QSOX2: variants seen among roughly 807,000 people sequenced by gnomAD.
QSOX2 encodes quiescin sulfhydryl oxidase 2, also known as sulfhydryl oxidase 2.
In QSOX2, 46 loss-of-function variants were observed where a neutral mutation model predicts 61.7. The observed-to-expected ratio is 0.75, with a 90% CI of 0.59 to 0.95. The LOEUF (loss-of-function observed/expected upper bound fraction) is 0.95, where lower values mean the gene tolerates loss of function less well. Ranked by LOEUF, QSOX2 falls within the 40% of genes least tolerant of loss-of-function variation. The pLI, the probability that QSOX2 is intolerant of heterozygous loss-of-function variation, is 0.00. For missense variants in QSOX2, 879 were observed against 918.9 expected, an observed-to-expected ratio of 0.96 and a Z score of 0.56; for synonymous variants, 383 against 388.4, an observed-to-expected ratio of 0.99 and a Z score of 0.16.
rs1284445374 is a variant in QSOX2 at position 136,208,448 on chromosome 9, TA to T, written c.*279del. ...CACCCTCTTTTCACATCTAGAAGAG[TA>T]AAAATACAGAAGTCTTTTTGCTGTA... On this transcript the variant is annotated 3_prime_UTR_variant, in exon 12 of 12. Transcript: ENST00000358701. The T allele has an allele frequency of 2.6e-6, 1 of 388,082 alleles. No individual in the cohort carries two copies. Among genetic ancestry groups the T allele is most frequent in the African/African-American group, 2.0e-5 (1 of 48,808 alleles). 24.0% of individuals were successfully genotyped at this position (388,082 alleles called of 1,614,324 possible).
Position 136,215,140 on chromosome 9 carries a change from T to C in QSOX2, c.1360+14A>G. On this transcript the variant is annotated intron_variant, in intron 10 of 11. Transcript: ENST00000358701. ...AGACCATCGGCCCCTCTGGCCTGTA[T>C]GGGCACAGCTTACCTGTGCCAACCA... The C allele has an allele frequency of 6.2e-7, 1 of 1,612,168 alleles. No homozygotes were observed. Among genetic ancestry groups the C allele is most frequent in the Non-Finnish European group, 8.5e-7 (1 of 1,179,314 alleles).
Position 136,215,222 on chromosome 9 carries a change from G to C in QSOX2, c.1292C>G (p.Ser431Cys). 1 of 1,614,104 alleles carries C rather than the reference G, an allele frequency of 6.2e-7. No homozygotes were observed. The highest frequency in any genetic ancestry group is 8.5e-7 in the Non-Finnish European group (1 of 1,180,028). Reference sequence around the variant, plus strand: ...CAAAGTGTGGAACAGTTTCCAGAGAGAACACGGGTAACCCCTCAACTCAGA... The same window carrying C: ...CAAAGTGTGGAACAGTTTCCAGAGACAACACGGGTAACCCCTCAACTCAGA... ...SRSELRGYPC[S>C]LWKLFHTLTV... The change falls in exon 10 of 12, where the codon TCT becomes TGT. Residue 431 changes from serine (S) to cysteine (C), a missense_variant. Physicochemically the swap from Ser to Cys is moderately radical, Grantham distance 112 (BLOSUM62 -1). Transcript: ENST00000358701.
chr9:136,223,756 G>C lies in QSOX2; in HGVS notation c.675+7C>G. On this transcript the variant is annotated splice_region_variant and intron_variant, in intron 5 of 11. Coordinates refer to ENST00000358701, the MANE Select transcript of QSOX2 (RefSeq NM_181701.4). The surrounding 1 kb of genome is among the most constrained non-coding windows in gnomAD (Gnocchi z 4.4). ...TGTGACACCTGGAGCCCACGCAGAG[G>C]CCGTACCTCCCGTCCAAGGTAGGAG... 6.2e-7 allele frequency: 1 copy of C among 1,612,824 alleles called. No individual in the cohort carries two copies. The highest frequency in any genetic ancestry group is 8.5e-7 in the Non-Finnish European group (1 of 1,179,132).
At chr9:136,216,978 T>C (rs1448626238) in intron 8 of QSOX2, among the ~76,000 whole-genome samples, 1 of 152,140 alleles carries the variant, frequency 6.6e-6, no homozygotes, top group Non-Finnish European at 1.5e-5. Context: ...TGCCTGCAGC[T>C]CACCCACCTG....
At chr9:136,226,912 C>T (rs1830287776) in intron 1 of QSOX2, 38 bp from the exon 2 acceptor site, 1 of 1,586,658 alleles carries the variant, frequency 6.3e-7, no homozygotes. Flanking sequence ...GTGGTGAGCA[C>T]TGGACTCCCG....
Position 136,236,236 on chromosome 9 carries a change from G to A in QSOX2, c.328+9240C>T, listed in dbSNP as rs527495053. 1.1e-4 allele frequency among the ~76,000 whole-genome samples: 17 copies of A among 152,362 alleles called. No individual in the cohort carries two copies. The East Asian group carries it at 2.9e-3, about 26-fold the overall frequency. On this transcript the variant is annotated intron_variant, in intron 1 of 11. Transcript: ENST00000358701. ...CCAGGTAGACAGCTCTCCTCCATGG[G>A]GCACCCGGAGACAGGACTGGCTGCT...
intron 2 of QSOX2, among the ~76,000 whole-genome samples, chr9:136,226,548 A>G (rs1395732320): frequency 6.6e-6 from 1 of 151,902 alleles, no homozygotes; most frequent in Non-Finnish European, 1.5e-5. Flanking sequence ...GTGAGCGTGG[A>G]CAGTCCCACA....
intron 6 of QSOX2, among the ~76,000 whole-genome samples, chr9:136,219,984 A>G (rs1276232121): frequency 6.6e-6 from 1 of 152,230 alleles, no homozygotes; most frequent in Non-Finnish European, 1.5e-5. Context: ...AACAAGCTCA[A>G]TGGCCTCTGT....
At chr9:136,230,353 C>T (rs1024934442) in intron 1 of QSOX2, among the ~76,000 whole-genome samples, 2 of 152,190 alleles carry the variant, frequency 1.3e-5, no homozygotes, top group South Asian at 2.1e-4. Context: ...CAAATGTGGC[C>T]GGTGGGAATG....
At position 136,219,176 on chromosome 9, in the gene QSOX2, G is replaced by T. The variant is rs371965584; in HGVS notation, c.822-12C>A. Reference sequence around the variant, plus strand: ...GCAGAGGCTTCACGCTGTGAGAGAGGGGAGGGCAAAGGTGAGAAGAGCCTC... The same window carrying T: ...GCAGAGGCTTCACGCTGTGAGAGAGTGGAGGGCAAAGGTGAGAAGAGCCTC... On this transcript the variant is annotated splice_polypyrimidine_tract_variant and intron_variant, in intron 6 of 11. Transcript: ENST00000358701. The T allele has an allele frequency of 8.6e-5, 139 of 1,611,418 alleles. No homozygotes were observed. Among genetic ancestry groups the T allele is most frequent in the Non-Finnish European group, 9.8e-5 (115 of 1,178,752 alleles).
chr9:136,212,106 C>T (rs1338888591), intron 10 of QSOX2, among the ~76,000 whole-genome samples: 1 of 152,238 alleles, frequency 6.6e-6, no homozygotes, highest in Non-Finnish European at 1.5e-5. Flanking sequence ...CAGACATGGA[C>T]AGGCCGGGGC....
chr9:136,212,405 CG>C (rs1352923611), intron 10 of QSOX2, among the ~76,000 whole-genome samples: 1 of 152,244 alleles, frequency 6.6e-6, no homozygotes, highest in African/African-American at 2.4e-5. Context: ...GAGCTTCCCG[CG>C]TGAGTGCAGG....
chr9:136,237,914 G>A (rs114853174), intron 1 of QSOX2, among the ~76,000 whole-genome samples: 1,730 of 152,372 alleles, frequency 0.011, 31 homozygotes, highest in African/African-American at 0.039. Flanking sequence ...GAGGCCAGGT[G>A]GGGAGCACAG....
chr9:136,222,695 C>G lies in QSOX2; in HGVS notation c.676-754G>C, dbSNP rs972313401. Among the ~76,000 whole-genome samples, 3 of 152,206 alleles carry G rather than the reference C, an allele frequency of 2.0e-5. No individual in the cohort carries two copies. The highest frequency in any genetic ancestry group is 7.2e-5 in the African/African-American group (3 of 41,458). ...TGTGCTGAAGAGCACTCCTCCTGCACGAGTGGAGCCTGGCTGCCCCGAACG... is the reference window on the plus strand; with the variant it reads ...TGTGCTGAAGAGCACTCCTCCTGCAGGAGTGGAGCCTGGCTGCCCCGAACG... On this transcript the variant is annotated intron_variant, in intron 5 of 11. Transcript: ENST00000358701. This position sits in a 1 kb window ranked among gnomAD's most constrained non-coding sequence, Gnocchi z 6.9.
At chr9:136,217,163 G>A (rs936536081) in intron 8 of QSOX2, among the ~76,000 whole-genome samples, 3 of 152,260 alleles carry the variant, frequency 2.0e-5, no homozygotes, top group African/African-American at 4.8e-5. Flanking sequence ...AAGGGCGCGC[G>A]GCAGTGCACA....
chr9:136,222,126 G>A lies in QSOX2; in HGVS notation c.676-185C>T, dbSNP rs1018374055. Among the ~76,000 whole-genome samples, 10 of 152,118 alleles carry A rather than the reference G, an allele frequency of 6.6e-5. No individual in the cohort carries two copies. The highest frequency in any genetic ancestry group is 1.2e-4 in the Non-Finnish European group (8 of 68,032). On this transcript the variant is annotated intron_variant, in intron 5 of 11. Coordinates refer to ENST00000358701, the MANE Select transcript of QSOX2 (RefSeq NM_181701.4). The surrounding 1 kb of genome is among the most constrained non-coding windows in gnomAD (Gnocchi z 6.9). ...CTTTAAGGCAACTGACGGCACACAC[G>A]CCATGAGCAGAAACCACGGTCTTAT...
At chr9:136,224,797 G>T (rs1002064601) in intron 3 of QSOX2, 64 bp downstream of exon 3, 5 of 1,170,678 alleles carry the variant, frequency 4.3e-6, no homozygotes, top group Admixed American at 2.1e-5. Flanking sequence ...CTCTGGGACC[G>T]TGTGTCTTTA....
intron 8 of QSOX2, 129 bp downstream of exon 8, chr9:136,218,550 G>T: frequency 8.7e-7 from 1 of 1,149,422 alleles, no homozygotes; most frequent in Non-Finnish European, 1.2e-6. Flanking sequence ...CGTGGGCCTG[G>T]GCGACAAAGC....
intron 1 of QSOX2, among the ~76,000 whole-genome samples, chr9:136,232,328 T>C (rs1322420964): frequency 6.6e-6 from 1 of 152,180 alleles, no homozygotes; most frequent in Non-Finnish European, 1.5e-5. Flanking sequence ...TTGACCAATA[T>C]GTCTTTAAAC....
Sources: allele counts gnomAD v4.1 joint callset (sites outside exome capture counted in the v4.1 genomes callset), GRCh38; gene constraint gnomAD v4.1.1; non-coding constraint Gnocchi (gnomAD v3.1); transcripts MANE v1.5; gene names NCBI Gene and HGNC (gene_info 2026-07-23, HGNC 2026-07-21).